Variants in ADGRL2 observed in about 807,000 individuals in gnomAD.
ADGRL2 encodes the protein calcium-independent alpha-latrotoxin receptor 2.
A neutral mutation model predicts 157.4 loss-of-function variants in ADGRL2; 44 were observed. The observed-to-expected ratio is 0.28, with a 90% CI of 0.22 to 0.36. ADGRL2 has a LOEUF of 0.36. ADGRL2 is among the 10% of genes least tolerant of loss of function. The pLI is 1.00. For synonymous variants in ADGRL2, 585 were observed against 624.7 expected (o/e 0.94, Z 0.95); for missense variants, 1,510 against 1,768.9 (o/e 0.85, Z 2.63).
chr1:81,400,401 C>T (rs1230089030), intron 1 of ADGRL2, among the ~76,000 whole-genome samples: 1 of 152,136 alleles, frequency 6.6e-6, no homozygotes, highest in East Asian at 1.9e-4. Context: ...GGATCTGTGA[C>T]TCTAAGGCAC....
intron 2 of ADGRL2, among the ~76,000 whole-genome samples, chr1:81,499,231 C>A (rs183941821): frequency 6.6e-6 from 1 of 152,232 alleles, no homozygotes; most frequent in African/African-American, 2.4e-5. Context: ...GTCCAATAAA[C>A]CATTGTGGGC....
At chr1:81,479,792 CT>C (rs2078348510) in intron 2 of ADGRL2, among the ~76,000 whole-genome samples, 2 of 152,098 alleles carry the variant, frequency 1.3e-5, no homozygotes, top group Non-Finnish European at 2.9e-5. Context: ...CCAGGAAAGT[CT>C]TGTTTCTAAA....
chr1:81,322,123 TAC>T (rs60009314), intron 1 of ADGRL2, among the ~76,000 whole-genome samples: 3,532 of 135,562 alleles, frequency 0.026, 66 homozygotes, highest in Middle Eastern at 0.032. Context: ...CATATATATA[TAC>T]ACACACACAC....
chr1:81,912,080 AT>A (rs200140192), intron 3 of ADGRL2, among the ~76,000 whole-genome samples: 9,976 of 147,582 alleles, frequency 0.068, 336 homozygotes, highest in East Asian at 0.092. Flanking sequence ...TTTATTTTTT[AT>A]TTTTTTTTGA....
intron 3 of ADGRL2, among the ~76,000 whole-genome samples, chr1:81,611,661 C>A (rs1000591912): frequency 6.6e-6 from 1 of 152,134 alleles, no homozygotes; most frequent in Non-Finnish European, 1.5e-5. Flanking sequence ...ATGATTCAAT[C>A]TGAAATCACT....
At chr1:81,781,630 T>A (rs1243009189) in intron 2 of ADGRL2, among the ~76,000 whole-genome samples, 1 of 152,156 alleles carries the variant, frequency 6.6e-6, no homozygotes, top group Non-Finnish European at 1.5e-5. Flanking sequence ...GAGGAAGATA[T>A]CACATACACA....
intron 2 of ADGRL2, among the ~76,000 whole-genome samples, chr1:81,863,797 A>C (rs2150842507): frequency 6.6e-6 from 1 of 152,280 alleles, no homozygotes; most frequent in African/African-American, 2.4e-5. Context: ...AAAGAGATTA[A>C]AGTCAATACA....
At chr1:81,466,671 A>ATG (rs1487277187) in intron 2 of ADGRL2, among the ~76,000 whole-genome samples, 2 of 31,270 alleles carry the variant, frequency 6.4e-5, no homozygotes, top group Non-Finnish European at 7.2e-5. Flanking sequence ...TCTCTCTCTC[A>ATG]CGCGCGCGCA....
At chr1:81,926,994 T>G (rs968569583) in intron 3 of ADGRL2, among the ~76,000 whole-genome samples, 8 of 152,072 alleles carry the variant, frequency 5.3e-5, no homozygotes, top group African/African-American at 1.9e-4. Context: ...AAAATGCTTA[T>G]TTTAGTAATT....
chr1:81,616,948 G>A (rs1335758714), intron 3 of ADGRL2, among the ~76,000 whole-genome samples: 1 of 152,160 alleles, frequency 6.6e-6, no homozygotes, highest in Non-Finnish European at 1.5e-5. Context: ...AAAGTGCTGG[G>A]ATTACAGGTG....
intron 1 of ADGRL2, among the ~76,000 whole-genome samples, chr1:81,728,910 A>G (rs959760344): frequency 6.6e-6 from 1 of 152,090 alleles, no homozygotes; most frequent in Non-Finnish European, 1.5e-5. Flanking sequence ...CTTCTTCTCC[A>G]GCCCAATCTG....
intron 1 of ADGRL2, among the ~76,000 whole-genome samples, chr1:81,317,223 T>A (rs1244434931): frequency 1.3e-5 from 2 of 152,272 alleles, no homozygotes; most frequent in Admixed American, 1.3e-4. Flanking sequence ...AAAATGTCAG[T>A]AGTACCAAGG....
At chr1:81,563,465 G>A (rs2080490219) in intron 2 of ADGRL2, among the ~76,000 whole-genome samples, 1 of 152,110 alleles carries the variant, frequency 6.6e-6, no homozygotes, top group South Asian at 2.1e-4. Flanking sequence ...AGGAGACAAA[G>A]AAAACTGAAG....
intron 2 of ADGRL2, among the ~76,000 whole-genome samples, chr1:81,859,965 C>G (rs2093338866): frequency 6.6e-6 from 1 of 151,866 alleles, no homozygotes; most frequent in South Asian, 2.1e-4. Flanking sequence ...GTAGCTCACA[C>G]CTGGAATTCC....
intron 2 of ADGRL2, among the ~76,000 whole-genome samples, chr1:81,498,954 T>C (rs545983863): frequency 6.6e-6 from 1 of 152,312 alleles, no homozygotes; most frequent in African/African-American, 2.4e-5. Context: ...AGTTCAAAAA[T>C]AGCTTCAGGC....
chr1:81,749,596 T>C (rs1038404134), intron 1 of ADGRL2, among the ~76,000 whole-genome samples: 9 of 152,212 alleles, frequency 5.9e-5, no homozygotes, highest in Non-Finnish European at 1.3e-4. Context: ...TGATGTATTA[T>C]AAATGTTTGT....
intron 2 of ADGRL2, among the ~76,000 whole-genome samples, chr1:81,524,351 G>A (rs1038438660): frequency 1.3e-5 from 2 of 152,198 alleles, no homozygotes; most frequent in African/African-American, 4.8e-5. Context: ...GGGCAACAGA[G>A]CGAGACTCCG....
At chr1:81,874,670 C>CTGTCA (rs1557823451) in intron 2 of ADGRL2, among the ~76,000 whole-genome samples, 2 of 147,336 alleles carry the variant, frequency 1.4e-5, no homozygotes, top group East Asian at 3.9e-4. Context: ...CTGTCCTGTC[C>CTGTCA]TGTCATGTCT....
At chr1:81,408,386 T>G (rs1410856209) in intron 1 of ADGRL2, among the ~76,000 whole-genome samples, 4 of 152,220 alleles carry the variant, frequency 2.6e-5, no homozygotes, top group Non-Finnish European at 5.9e-5. Flanking sequence ...GTCATTGTAT[T>G]AATTAAAGTA....
Sources: gnomAD v4.1 joint callset for allele counts (sites outside exome capture counted in the v4.1 genomes callset) on GRCh38, gnomAD v4.1.1 for gene constraint, MANE v1.5 for transcripts, NCBI Gene and HGNC (gene_info 2026-07-23, HGNC 2026-07-21) for gene names.